FRMD3: variants seen among roughly 807,000 people sequenced by gnomAD.
FRMD3 encodes FERM domain containing 3, also known as FERM domain-containing protein 3.
In FRMD3, 33 loss-of-function variants were observed where a neutral mutation model predicts 70.2. The observed-to-expected ratio is 0.47, with a 90% CI of 0.36 to 0.63. FRMD3 has a LOEUF of 0.63. FRMD3 is among the 20% of genes least tolerant of loss of function. The probability of loss-of-function intolerance (pLI) is 0.00; values close to 1 mark genes in which losing one functional copy is unlikely to be tolerated. For missense variants in FRMD3, 632 were observed against 711.4 expected, an observed-to-expected ratio of 0.89 and a Z score of 1.27; for synonymous variants, 279 against 255.9, an observed-to-expected ratio of 1.09 and a Z score of -0.86.
intron 1 of FRMD3, among the ~76,000 whole-genome samples, chr9:83,413,543 C>T (rs574091432): frequency 4.3e-4 from 66 of 152,142 alleles, no homozygotes; most frequent in Non-Finnish European, 6.0e-4. Context: ...TAAGGATAAT[C>T]GCTTTTCAGC....
At chr9:83,261,023 G>C (rs1327529351) in intron 13 of FRMD3, among the ~76,000 whole-genome samples, 1 of 151,444 alleles carries the variant, frequency 6.6e-6, no homozygotes, top group Non-Finnish European at 1.5e-5. Flanking sequence ...ATATCTTTGG[G>C]AGTCACCAAT....
chr9:83,349,690 T>C lies in FRMD3; in HGVS notation c.363A>G (p.Glu121=). ...FYPHEPLKIK[E]ELTRYLLYLQ... is the part of the protein sequence containing the mutation. ...CAAACAAAAAATACCTTGTGAGCTC[T>C]TCTTTAATCTTCAAGGGTTCATGTG... is the stretch of plus-strand genomic sequence containing the variant. The change falls in exon 4 of 14, where the codon GAA becomes GAG. Residue 121 remains glutamate (E), a synonymous_variant. Coordinates refer to ENST00000304195, the MANE Select transcript of FRMD3 (RefSeq NM_174938.6). 1.2e-6 allele frequency: 2 copies of C among 1,609,574 alleles called. No individual in the cohort carries two copies. The highest frequency in any genetic ancestry group is 1.7e-6 in the Non-Finnish European group (2 of 1,176,752).
chr9:83,408,356 A>G (rs1432082609), intron 1 of FRMD3, among the ~76,000 whole-genome samples: 1 of 152,156 alleles, frequency 6.6e-6, no homozygotes, highest in Non-Finnish European at 1.5e-5. Flanking sequence ...TATCTAGGAA[A>G]AAAAAAATAT....
intron 9 of FRMD3, 27 bp downstream of exon 9, chr9:83,310,458 G>A: frequency 6.4e-7 from 1 of 1,567,938 alleles, no homozygotes; most frequent in Non-Finnish European, 8.7e-7. Context: ...CACAATAACA[G>A]GCAGTTAAAA....
intron 5 of FRMD3, among the ~76,000 whole-genome samples, chr9:83,338,633 T>C (rs921065245): frequency 2.0e-5 from 3 of 152,132 alleles, no homozygotes; most frequent in Non-Finnish European, 4.4e-5. Flanking sequence ...ATACAATGAG[T>C]TCTATAGCAT....
Position 83,389,658 on chromosome 9 carries a change from G to C in FRMD3, c.198C>G (p.Ser66Arg). The C allele has an allele frequency of 6.2e-7, 1 of 1,613,976 alleles. No homozygotes were observed. Among genetic ancestry groups the C allele is most frequent in the Non-Finnish European group, 8.5e-7 (1 of 1,179,900 alleles). Residue 66 changes from serine to arginine, a missense_variant, in exon 2 of 14, where the codon AGC becomes AGG. By Grantham distance (110) the Ser-to-Arg change is moderately radical. Transcript: ENST00000304195. ...FLIDHICNYYSLLEKDYFGIR... is the reference protein window; with the variant it reads ...FLIDHICNYYRLLEKDYFGIR... Reference sequence around the variant, plus strand: ...TGCCAAAGTAGTCCTTCTCCAGCAGGCTGTAGTAGTTGCAGATGTGGTCAA... The same window carrying C: ...TGCCAAAGTAGTCCTTCTCCAGCAGCCTGTAGTAGTTGCAGATGTGGTCAA...
intron 1 of FRMD3, among the ~76,000 whole-genome samples, chr9:83,415,278 T>C (rs1470512390): frequency 1.3e-5 from 2 of 152,104 alleles, no homozygotes; most frequent in African/African-American, 4.8e-5. Flanking sequence ...AGGTCAGCCA[T>C]CTGGGGCAGA....
At chr9:83,472,314 T>C (rs1296508150) in intron 1 of FRMD3, among the ~76,000 whole-genome samples, 2 of 152,164 alleles carry the variant, frequency 1.3e-5, no homozygotes, top group African/African-American at 2.4e-5. Context: ...ACCTGCAGCA[T>C]TTCTCAAGCA....
chr9:83,352,647 T>G lies in FRMD3; in HGVS notation c.296-2890A>C, dbSNP rs1181150512. On this transcript the variant is annotated intron_variant, in intron 3 of 13. Transcript: ENST00000304195. ...ACTTGTGGGCCTTCTGAGTCTTCCC[T>G]AAAATAAACATCCTGGTCCTCTTCA... Among the ~76,000 whole-genome samples the G allele has an allele frequency of 4.6e-5, 7 of 152,154 alleles. No homozygotes were observed. In the South Asian group the frequency reaches 1.2e-3, roughly 27 times the overall value.
chr9:83,566,451 A>C, the FRMD3 span, among the ~76,000 whole-genome samples: 2 of 152,146 alleles, frequency 1.3e-5, no homozygotes, highest in Admixed American at 6.5e-5. Context: ...TCATATTTCA[A>C]AACCAGTCAT....
At chr9:83,343,435 C>T in intron 4 of FRMD3, 148 bp from the exon 5 acceptor site, 1 of 613,974 alleles carries the variant, frequency 1.6e-6, no homozygotes, top group Non-Finnish European at 3.0e-6. Context: ...GTAGAACAAG[C>T]AGAGGAAAGC....
chr9:83,406,410 T>C (rs961882436), intron 1 of FRMD3, among the ~76,000 whole-genome samples: 1 of 152,134 alleles, frequency 6.6e-6, no homozygotes, highest in African/African-American at 2.4e-5. Context: ...TTACTCCGGG[T>C]CTCCACTGCA....
intron 1 of FRMD3, among the ~76,000 whole-genome samples, chr9:83,407,856 T>TCC (rs926539036): frequency 2.3e-5 from 3 of 130,174 alleles, no homozygotes; most frequent in Non-Finnish European, 4.6e-5. Context: ...TCTCTCTCTC[T>TCC]CTCTCTCTCT....
At chr9:83,556,123 C>T in the FRMD3 span, among the ~76,000 whole-genome samples, 2 of 152,018 alleles carry the variant, frequency 1.3e-5, no homozygotes, top group Non-Finnish European at 2.9e-5. Context: ...CACTATCTAC[C>T]TCTAGTCAGC....
chr9:83,366,016 C>G (rs1192534717), intron 3 of FRMD3, among the ~76,000 whole-genome samples: 1 of 152,014 alleles, frequency 6.6e-6, no homozygotes, highest in Admixed American at 6.6e-5. Context: ...TTCGTCCAGA[C>G]AGGATGCAGT....
At chr9:83,446,516 G>A (rs922903092) in intron 1 of FRMD3, among the ~76,000 whole-genome samples, 3 of 151,922 alleles carry the variant, frequency 2.0e-5, no homozygotes, top group East Asian at 3.9e-4. Context: ...GCGCGGTGGC[G>A]GGCGCCTGTA....
chr9:83,403,868 T>C (rs1564060551), intron 1 of FRMD3, among the ~76,000 whole-genome samples: 3 of 152,116 alleles, frequency 2.0e-5, no homozygotes, highest in African/African-American at 7.2e-5. Context: ...GCTACTTTTT[T>C]TCCCCTCTCA....
intron 1 of FRMD3, among the ~76,000 whole-genome samples, chr9:83,459,921 T>C (rs893392019): frequency 6.6e-6 from 1 of 152,222 alleles, no homozygotes; most frequent in African/African-American, 2.4e-5. Flanking sequence ...TGTCCTCACA[T>C]AGCCTTGCCT....
At position 83,505,040 on chromosome 9, in the gene FRMD3, C is replaced by CA. The variant is rs571340837; in HGVS notation, c.147+33044dup. On this transcript the variant is annotated intron_variant, in intron 1 of 13. Coordinates refer to ENST00000304195, the MANE Select transcript of FRMD3 (RefSeq NM_174938.6). Reference sequence around the variant, plus strand: ...CTACTTTCTTGATTCATTCTTATGGCAAAAAAAATGTTCATGCATTTACTC... The same window carrying CA: ...CTACTTTCTTGATTCATTCTTATGGCAAAAAAAAATGTTCATGCATTTACTC... Among the ~76,000 whole-genome samples, 6 of 151,632 alleles carry CA rather than the reference C, an allele frequency of 4.0e-5. 1 individual carries two copies. The highest frequency in any genetic ancestry group is 2.1e-4 in the South Asian group (1 of 4,810).
Sources: gnomAD v4.1 joint callset for allele counts (sites outside exome capture counted in the v4.1 genomes callset) on GRCh38, gnomAD v4.1.1 for gene constraint, MANE v1.5 for transcripts, NCBI Gene and HGNC (gene_info 2026-07-23, HGNC 2026-07-21) for gene names.